Variants in VSTM5 observed in about 807,000 individuals in gnomAD.
VSTM5 encodes the protein V-set and transmembrane domain-containing protein 5.
VSTM5 carries 21 observed loss-of-function variants against 20.3 expected under a neutral mutation model. The ratio of observed to expected loss-of-function variants is 1.03; its 90% CI spans 0.73 to 1.49. The LOEUF is 1.49. VSTM5 is among the 40% of genes most tolerant of loss of function. The pLI is 0.00. For synonymous variants in VSTM5, 100 were observed against 102.5 expected (o/e 0.98, Z 0.14); for missense variants, 219 against 250.0 (o/e 0.88, Z 0.84).
intron 1 of VSTM5, among the ~76,000 whole-genome samples, chr11:93,848,991 T>G (rs1944435940): frequency 6.6e-6 from 1 of 152,358 alleles, no homozygotes; most frequent in South Asian, 2.1e-4. Context: ...GATCCATAGC[T>G]GCCAGAGGAA....
At chr11:93,826,543 G>A (rs1290952280) in intron 1 of VSTM5, among the ~76,000 whole-genome samples, 2 of 151,716 alleles carry the variant, frequency 1.3e-5, no homozygotes, top group Non-Finnish European at 2.9e-5. Flanking sequence ...GACTACAGGC[G>A]CCCACCATAA....
chr11:93,850,139 G>T (rs1295044664), intron 1 of VSTM5, among the ~76,000 whole-genome samples: 1 of 152,192 alleles, frequency 6.6e-6, no homozygotes, highest in African/African-American at 2.4e-5. Flanking sequence ...CGGGCTCGCC[G>T]GGTGGGGCGG....
At chr11:93,848,432 G>A (rs1258587339) in intron 1 of VSTM5, among the ~76,000 whole-genome samples, 1 of 152,228 alleles carries the variant, frequency 6.6e-6, no homozygotes, top group Non-Finnish European at 1.5e-5. Flanking sequence ...CTGTCCATGA[G>A]ACAGGTCTCA....
chr11:93,845,666 G>A (rs541116625), intron 1 of VSTM5, among the ~76,000 whole-genome samples: 37 of 152,272 alleles, frequency 2.4e-4, no homozygotes, highest in African/African-American at 8.2e-4. Flanking sequence ...AGAAGCCAGC[G>A]TCTTGGGTGC....
At chr11:93,834,713 G>A (rs991345543) in intron 1 of VSTM5, among the ~76,000 whole-genome samples, 1 of 146,616 alleles carries the variant, frequency 6.8e-6, no homozygotes, top group Non-Finnish European at 1.5e-5. Context: ...AAGCCAGGAG[G>A]TAGAGGTTGC....
At chr11:93,847,250 A>G (rs1257378317) in intron 1 of VSTM5, among the ~76,000 whole-genome samples, 1 of 152,146 alleles carries the variant, frequency 6.6e-6, no homozygotes. Context: ...TGCTTCTAAG[A>G]TGTTTGCCAC....
At position 93,850,457 on chromosome 11, in the gene VSTM5, G is replaced by A. The variant is rs1247675001; in HGVS notation, c.46C>T (p.Leu16=). 7 of 1,550,212 alleles carry A rather than the reference G, an allele frequency of 4.5e-6. No homozygotes were observed. The highest frequency in any genetic ancestry group is 4.4e-6 in the Non-Finnish European group (5 of 1,146,634). Residue 16 remains leucine (L), a synonymous_variant, in exon 1 of 4, where the codon CTA becomes TTA. Transcript: ENST00000409977. The part of the protein sequence containing the change: ...SGRRKTRGIS[L]GLFALCLAAA... Reference sequence around the variant, plus strand: ...GCCAGGCAGAGGGCGAAGAGTCCTAGGGAGATGCCTCGGGTCTTCCTCCTC... The same window carrying A: ...GCCAGGCAGAGGGCGAAGAGTCCTAAGGAGATGCCTCGGGTCTTCCTCCTC...
chr11:93,831,438 A>G (rs1288816932), intron 1 of VSTM5, among the ~76,000 whole-genome samples: 1 of 152,174 alleles, frequency 6.6e-6, no homozygotes, highest in Non-Finnish European at 1.5e-5. Flanking sequence ...CCTCCAAGTA[A>G]TAGCTTTCCT....
chr11:93,829,333 C>A (rs1231365688), intron 1 of VSTM5, among the ~76,000 whole-genome samples: 1 of 152,188 alleles, frequency 6.6e-6, no homozygotes, highest in Non-Finnish European at 1.5e-5. Flanking sequence ...TTCAGAACAG[C>A]CTGGCCAACA....
At chr11:93,838,103 A>G (rs1409214301) in intron 1 of VSTM5, among the ~76,000 whole-genome samples, 1 of 152,198 alleles carries the variant, frequency 6.6e-6, no homozygotes, top group African/African-American at 2.4e-5. Context: ...TCTGGGCTGC[A>G]CACGCTATAG....
At chr11:93,850,343 C>T in intron 1 of VSTM5, 69 bp downstream of exon 1, 3 of 1,394,376 alleles carry the variant, frequency 2.2e-6, no homozygotes, top group East Asian at 2.7e-5. Flanking sequence ...TGCTAGACCC[C>T]GGGGCCCCGC....
rs1001863985 is a variant in VSTM5 at position 93,820,977 on chromosome 11, G to T, written c.418+20C>A. The stretch of plus-strand genomic sequence containing the variant: ...ACATTCACAGTTCAGAGGGGTGCCC[G>T]GGGCCCTGGGATGTCTTACCAGAGA... On this transcript the variant is annotated intron_variant, in intron 2 of 3. Transcript: ENST00000409977. 6.4e-7 allele frequency: 1 copy of T among 1,550,776 alleles called. No homozygotes were observed. The highest frequency in any genetic ancestry group is 1.2e-5 in the South Asian group (1 of 84,002).
At chr11:93,838,683 G>A (rs981791737) in intron 1 of VSTM5, among the ~76,000 whole-genome samples, 4 of 149,512 alleles carry the variant, frequency 2.7e-5, no homozygotes, top group East Asian at 3.9e-4. Flanking sequence ...TGTGTTCCCA[G>A]CTACTGGGGA....
intron 1 of VSTM5, among the ~76,000 whole-genome samples, chr11:93,838,469 C>T (rs1037551270): frequency 9.3e-5 from 14 of 151,276 alleles, no homozygotes; most frequent in African/African-American, 3.2e-4. Context: ...CAGACTCCAT[C>T]GTAAAAAAAC....
chr11:93,835,495 C>A (rs986370870), intron 1 of VSTM5, among the ~76,000 whole-genome samples: 14 of 152,076 alleles, frequency 9.2e-5, no homozygotes, highest in African/African-American at 3.4e-4. Context: ...GTTATAGCAA[C>A]CAAAAATAGG....
At chr11:93,825,739 T>C (rs1349449587) in intron 1 of VSTM5, among the ~76,000 whole-genome samples, 1 of 151,708 alleles carries the variant, frequency 6.6e-6, no homozygotes, top group African/African-American at 2.4e-5. Flanking sequence ...GTTTTTTTTT[T>C]CTTCCTTTTC....
intron 1 of VSTM5, among the ~76,000 whole-genome samples, chr11:93,843,094 A>G (rs1285332857): frequency 6.6e-6 from 1 of 152,084 alleles, no homozygotes; most frequent in Non-Finnish European, 1.5e-5. Flanking sequence ...CTGTCTAAAA[A>G]AAAAAAAGAG....
intron 1 of VSTM5, among the ~76,000 whole-genome samples, chr11:93,843,733 T>C (rs1944390236): frequency 6.6e-6 from 1 of 152,202 alleles, no homozygotes; most frequent in Non-Finnish European, 1.5e-5. Flanking sequence ...CTATTATCAG[T>C]GATCTTTCTA....
intron 1 of VSTM5, among the ~76,000 whole-genome samples, chr11:93,844,652 G>A (rs931290095): frequency 7.2e-5 from 11 of 152,118 alleles, no homozygotes; most frequent in East Asian, 1.9e-4. Flanking sequence ...CTCACAGTTC[G>A]CCAGTGCTAA....
Sources: gnomAD v4.1 joint callset for allele counts (sites outside exome capture counted in the v4.1 genomes callset) on GRCh38, gnomAD v4.1.1 for gene constraint, MANE v1.5 for transcripts, NCBI Gene and HGNC (gene_info 2026-07-23, HGNC 2026-07-21) for gene names.